The following DOCK4 variants were observed in gnomAD, a reference collection of about 807,000 sequenced individuals.
The protein encoded by DOCK4 is dedicator of cytokinesis 4.
Under a neutral mutation model 268.1 loss-of-function variants are expected in DOCK4, and 97 were observed. The ratio of observed to expected loss-of-function variants is 0.36; its 90% CI spans 0.31 to 0.43. The LOEUF is 0.43. DOCK4 is among the 20% of genes least tolerant of loss of function. The pLI is 1.00. For synonymous variants in DOCK4, 954 were observed against 887.2 expected, an observed-to-expected ratio of 1.08 and a Z score of -1.34; for missense variants, 2,145 against 2,455.7, an observed-to-expected ratio of 0.87 and a Z score of 2.67.
At chr7:111,880,824 A>G (rs1807315841) in intron 16 of DOCK4, among the ~76,000 whole-genome samples, 4 of 152,320 alleles carry the variant, frequency 2.6e-5, no homozygotes, top group Admixed American at 2.6e-4. Context: ...ACATTGAGGA[A>G]AAGAGTCTCT....
intron 1 of DOCK4, among the ~76,000 whole-genome samples, chr7:112,056,753 AC>A (rs1327451959): frequency 6.6e-6 from 1 of 152,248 alleles, no homozygotes; most frequent in African/African-American, 2.4e-5. Flanking sequence ...GCATGTGCAA[AC>A]AAAAACTAGT....
At chr7:111,945,481 C>T (rs369631877) in intron 9 of DOCK4, among the ~76,000 whole-genome samples, 1 of 152,268 alleles carries the variant, frequency 6.6e-6, no homozygotes, top group African/African-American at 2.4e-5. Context: ...CCACCGTGCC[C>T]CGCAATCACT....
chr7:111,919,485 A>C (rs1792919090), intron 12 of DOCK4, among the ~76,000 whole-genome samples: 1 of 152,180 alleles, frequency 6.6e-6, no homozygotes, highest in African/African-American at 2.4e-5. Context: ...GAAAAGGAAA[A>C]GCTGGCATTT....
At chr7:112,132,190 A>G (rs1813870574) in intron 1 of DOCK4, among the ~76,000 whole-genome samples, 1 of 151,876 alleles carries the variant, frequency 6.6e-6, no homozygotes, top group Non-Finnish European at 1.5e-5. Context: ...CTGGCCCCCT[A>G]CTTTAGAGCC....
At chr7:112,109,915 T>G (rs1811492147) in intron 1 of DOCK4, among the ~76,000 whole-genome samples, 1 of 148,624 alleles carries the variant, frequency 6.7e-6, no homozygotes, top group South Asian at 2.1e-4. Flanking sequence ...CGGCTAATTT[T>G]TTTGTGTTTT....
intron 1 of DOCK4, among the ~76,000 whole-genome samples, chr7:112,039,619 T>C (rs1586698806): frequency 6.6e-6 from 1 of 152,056 alleles, no homozygotes; most frequent in African/African-American, 2.4e-5. Flanking sequence ...TTTACCTAGG[T>C]ATATGGGCTA....
intron 13 of DOCK4, among the ~76,000 whole-genome samples, chr7:111,914,911 T>C (rs1792457456): frequency 6.6e-6 from 1 of 152,238 alleles, no homozygotes; most frequent in African/African-American, 2.4e-5. Flanking sequence ...TAAATATTTA[T>C]TTGTAGAATG....
intron 1 of DOCK4, among the ~76,000 whole-genome samples, chr7:112,044,833 A>G (rs989085213): frequency 2.6e-5 from 4 of 151,990 alleles, no homozygotes; most frequent in Non-Finnish European, 5.9e-5. Flanking sequence ...ACACCACCAC[A>G]ACTACAATTA....
chr7:112,078,059 A>T (rs1393089685), intron 1 of DOCK4, among the ~76,000 whole-genome samples: 4 of 152,294 alleles, frequency 2.6e-5, no homozygotes, highest in African/African-American at 9.6e-5. Flanking sequence ...AATGATGAAA[A>T]TACAGAAAAT....
At chr7:112,049,456 C>CACA (rs1330343080) in intron 1 of DOCK4, among the ~76,000 whole-genome samples, 1 of 151,692 alleles carries the variant, frequency 6.6e-6, no homozygotes, top group Non-Finnish European at 1.5e-5. Flanking sequence ...CTAAAGAAGA[C>CACA]AGAAAAAGAA....
In DOCK4 at chr7:111,742,054, C is replaced by G; in HGVS notation, c.4756G>C (p.Val1586Leu). 6.2e-7 allele frequency: 1 copy of G among 1,608,790 alleles called. No individual in the cohort carries two copies. Among genetic ancestry groups the G allele is most frequent in the East Asian group, 2.2e-5 (1 of 44,638 alleles). ...GACTTCATCACAAAGAATTGGTCAA[C>G]CAGCTTTTTGTGAAGGGGTCTCATA... ...QDMRPLHKKL[V>L]DQFFVMKSSL... The change falls in exon 45 of 53, where the codon GTT (valine) becomes CTT (leucine). Residue 1586 changes from valine to leucine, a missense_variant. Physicochemically the swap from Val to Leu is conservative, Grantham distance 32. Transcript: ENST00000428084.
chr7:111,879,944 CA>C lies in DOCK4; in HGVS notation c.1588-2759del, dbSNP rs542814303. Among the ~76,000 whole-genome samples the C allele has an allele frequency of 1.0e-3, 154 of 152,130 alleles. 1 individual carries two copies. Among genetic ancestry groups the C allele is most frequent in the African/African-American group, 3.5e-3 (147 of 41,500 alleles). On this transcript the variant is annotated intron_variant, in intron 16 of 52. Coordinates refer to ENST00000428084, the MANE Select transcript of DOCK4 (RefSeq NM_001363540.2). The stretch of plus-strand genomic sequence containing the variant: ...TTCTACAATATCTAGAAAATAGCTT[CA>C]AAAGTGCAAATCTAAGAGTTATTGG...
At chr7:111,795,399 C>T (rs73434235) in intron 30 of DOCK4, among the ~76,000 whole-genome samples, 3,285 of 152,174 alleles carry the variant, frequency 0.022, 119 homozygotes, top group African/African-American at 0.075. Context: ...TGGCTCTGAG[C>T]GACATTCTAA....
At position 111,904,400 on chromosome 7, in the gene DOCK4, G is replaced by A. The variant is rs186318596; in HGVS notation, c.1193-2599C>T. Among the ~76,000 whole-genome samples the A allele has an allele frequency of 3.3e-3, 494 of 151,674 alleles. 2 individuals carry two copies. The highest frequency in any genetic ancestry group is 5.2e-3 in the Non-Finnish European group (354 of 68,018). Reference sequence around the variant, plus strand: ...TATGCTGAGCGATAATAGGCACTGTGGATAAAAGTGAGAAGGAGGATACAG... The same window carrying A: ...TATGCTGAGCGATAATAGGCACTGTAGATAAAAGTGAGAAGGAGGATACAG... On this transcript the variant is annotated intron_variant, in intron 13 of 52. Transcript: ENST00000428084.
chr7:112,177,602 T>A (rs1208200850), intron 1 of DOCK4, among the ~76,000 whole-genome samples: 2 of 152,190 alleles, frequency 1.3e-5, no homozygotes, highest in East Asian at 3.9e-4. Context: ...ACAGAGAAAC[T>A]GCCTCAACTG....
chr7:111,731,141 T>C (rs1157700136), intron 52 of DOCK4, among the ~76,000 whole-genome samples: 1 of 152,148 alleles, frequency 6.6e-6, no homozygotes, highest in African/African-American at 2.4e-5. Context: ...AACAGCTGCA[T>C]TACAGAATGA....
At chr7:112,057,057 T>C (rs971283024) in intron 1 of DOCK4, among the ~76,000 whole-genome samples, 4 of 152,224 alleles carry the variant, frequency 2.6e-5, no homozygotes, top group African/African-American at 7.2e-5. Context: ...AGACAAAAGA[T>C]AATAACTTAC....
At chr7:112,095,404 C>T (rs1198099834) in intron 1 of DOCK4, among the ~76,000 whole-genome samples, 2 of 151,384 alleles carry the variant, frequency 1.3e-5, no homozygotes, top group African/African-American at 2.4e-5. Flanking sequence ...GAACAGGACA[C>T]AAAAAGGAGT....
chr7:112,066,718 T>C (rs1290042363), intron 1 of DOCK4, among the ~76,000 whole-genome samples: 4 of 99,120 alleles, frequency 4.0e-5, no homozygotes, highest in South Asian at 3.1e-4. Flanking sequence ...TATATATATA[T>C]ATATATATAT....
Sources: gnomAD v4.1 joint callset for allele counts (sites outside exome capture counted in the v4.1 genomes callset) on GRCh38, gnomAD v4.1.1 for gene constraint, MANE v1.5 for transcripts, NCBI Gene and HGNC (gene_info 2026-07-23, HGNC 2026-07-21) for gene names.